Variants in H1-0 observed in about 807,000 individuals in gnomAD.
The protein encoded by H1-0 is H1.0 linker histone.
Under a neutral mutation model 8.8 loss-of-function variants are expected in H1-0, and 5 were observed. That is an observed-to-expected ratio of 0.57 (90% CI 0.30 to 1.19). The LOEUF is 1.19. Ranked by LOEUF, H1-0 falls within the 50% of genes most tolerant of loss-of-function variation. H1-0 has a pLI of 0.08. For missense variants in H1-0, 231 were observed against 242.0 expected (o/e 0.95, Z 0.30); for synonymous variants, 143 against 101.4 (o/e 1.41, Z -2.46).
rs774386868 is a variant in H1-0 at position 37,805,894 on chromosome 22, T to C, written c.350T>C (p.Val117Ala). 1.2e-6 allele frequency: 2 copies of C among 1,613,686 alleles called. No homozygotes were observed. Among genetic ancestry groups the C allele is most frequent in the Middle Eastern group, 1.6e-4 (1 of 6,062 alleles). Residue 117 changes from valine to alanine, a missense_variant, in exon 1 of 1, where the codon GTA becomes GCA. Coordinates refer to ENST00000340857, the MANE Select transcript of H1-0 (RefSeq NM_005318.4). ...FKKTKKEIKK[V>A]ATPKKASKPK... ...AAGACCAAGAAGGAAATCAAGAAGG[T>C]AGCCACGCCAAAGAAGGCATCCAAG...
In H1-0 at chr22:37,805,539, G is replaced by T; in HGVS notation, c.-6G>T. 6.2e-7 allele frequency: 1 copy of T among 1,607,930 alleles called. No homozygotes were observed. The highest frequency in any genetic ancestry group is 1.3e-5 in the African/African-American group (1 of 74,840). Reference sequence around the variant, plus strand: ...CGCCTTCAACAGCCGGACCAGACAGGCCACCATGACCGAGAATTCCACGTC... The same window carrying T: ...CGCCTTCAACAGCCGGACCAGACAGTCCACCATGACCGAGAATTCCACGTC... On this transcript the variant is annotated 5_prime_UTR_variant, in exon 1 of 1. Coordinates refer to ENST00000340857, the MANE Select transcript of H1-0 (RefSeq NM_005318.4).
Position 37,806,045 on chromosome 22 carries a change from G to C in H1-0, c.501G>C (p.Pro167=), listed in dbSNP as rs558616379. The C allele has an allele frequency of 6.2e-7, 1 of 1,614,034 alleles. No individual in the cohort carries two copies. The highest frequency in any genetic ancestry group is 1.3e-5 in the African/African-American group (1 of 75,020). ...AACCCAAGACTGTCAAAGCCAAGCC[G>C]GTCAAGGCATCCAAGCCCAAAAAGG... ...AKKPKTVKAK[P]VKASKPKKAK... Residue 167 remains proline (P), a synonymous_variant, in exon 1 of 1, where the codon CCG becomes CCC. Transcript: ENST00000340857.
rs186080346 is a variant in H1-0 at position 37,805,248 on chromosome 22, G to A, written c.-297G>A. The A allele has an allele frequency of 2.3e-3, 954 of 410,042 alleles. 13 individuals are homozygous for A. The East Asian group carries it at 0.031, about 13-fold the overall frequency. 25.4% of individuals were successfully genotyped at this position (410,042 alleles called of 1,614,324 possible). ...AGCGCCAGACGCGGAGCTGGGAAAA[G>A]GGAGGCAGAGGAGGCGGAGGCAGAG... On this transcript the variant is annotated 5_prime_UTR_variant, in exon 1 of 1. Coordinates refer to ENST00000340857, the MANE Select transcript of H1-0 (RefSeq NM_005318.4).
chr22:37,805,998 G>A lies in H1-0; in HGVS notation c.454G>A (p.Ala152Thr). The change falls in exon 1 of 1, where the codon GCC becomes ACC. Residue 152 changes from alanine to threonine, a missense_variant. Transcript: ENST00000340857. The stretch of plus-strand genomic sequence containing the variant: ...CAAGAAGGCCAAGAAGAAGCTGGCT[G>A]CCACGCCCAAGAAAGCCAAAAAACC... ...PVKKAKKKLA[A>T]TPKKAKKPKT... 6.2e-7 allele frequency: 1 copy of A among 1,614,046 alleles called. No homozygotes were observed. Among genetic ancestry groups the A allele is most frequent in the Non-Finnish European group, 8.5e-7 (1 of 1,180,020 alleles).
Position 37,806,820 on chromosome 22 carries a change from G to A in H1-0, c.*691G>A, listed in dbSNP as rs1416100620. Reference sequence around the variant, plus strand: ...ATAGTTTCTCCCAGTCAGCTAGGATGTAGCCATTGGGGGATCTTTGTGGCT... The same window carrying A: ...ATAGTTTCTCCCAGTCAGCTAGGATATAGCCATTGGGGGATCTTTGTGGCT... On this transcript the variant is annotated 3_prime_UTR_variant, in exon 1 of 1. Coordinates refer to ENST00000340857, the MANE Select transcript of H1-0 (RefSeq NM_005318.4). 1 of 167,098 alleles carries A rather than the reference G, an allele frequency of 6.0e-6. No individual in the cohort carries two copies. Among genetic ancestry groups the A allele is most frequent in the Non-Finnish European group, 1.5e-5 (1 of 68,152 alleles). The allele number at this position is 167,098 out of a possible 1,614,324, so 10.4% of individuals were successfully genotyped here.
Position 37,805,429 on chromosome 22 carries a change from A to C in H1-0, c.-116A>C. 2 of 729,396 alleles carry C rather than the reference A, an allele frequency of 2.7e-6. No individual in the cohort carries two copies. The highest frequency in any genetic ancestry group is 2.3e-6 in the Non-Finnish European group (1 of 443,814). The allele number at this position is 729,396 out of a possible 1,614,324, so 45.2% of individuals were successfully genotyped here. A position where few individuals can be genotyped will look rare whatever the true frequency, so the allele number is the denominator to read the frequency against. ...CTCGCATCCCCGGGAGCCGCACTCCAGACTGGCCCGGTAGTCAGGGGCTCA... is the reference window on the plus strand; with the variant it reads ...CTCGCATCCCCGGGAGCCGCACTCCCGACTGGCCCGGTAGTCAGGGGCTCA... On this transcript the variant is annotated 5_prime_UTR_variant, in exon 1 of 1. Coordinates refer to ENST00000340857, the MANE Select transcript of H1-0 (RefSeq NM_005318.4).
rs1033848327 is a variant in H1-0 at position 37,806,783 on chromosome 22, A to C, written c.*654A>C. 6.0e-6 allele frequency: 1 copy of C among 167,012 alleles called. No individual in the cohort carries two copies. The highest frequency in any genetic ancestry group is 6.6e-5 in the Admixed American group (1 of 15,266). The allele number at this position is 167,012 out of a possible 1,614,324, so 10.3% of individuals were successfully genotyped here. ...GGAGTGGGGTCCAAGTGACAGCTGG[A>C]TGGGAGAAGCCATAGTTTCTCCCAG... On this transcript the variant is annotated 3_prime_UTR_variant, in exon 1 of 1. Coordinates refer to ENST00000340857, the MANE Select transcript of H1-0 (RefSeq NM_005318.4).
At position 37,805,372 on chromosome 22, in the gene H1-0, C is replaced by T; in HGVS notation, c.-173C>T. On this transcript the variant is annotated 5_prime_UTR_variant, in exon 1 of 1. Coordinates refer to ENST00000340857, the MANE Select transcript of H1-0 (RefSeq NM_005318.4). ...CCGGCTCGGCGAGCTCTCCCGACAC[C>T]CGAGCCGGGGAGGAAAAGCAGCGAC... is the stretch of plus-strand genomic sequence containing the variant. 3.5e-6 allele frequency: 2 copies of T among 578,290 alleles called. No homozygotes were observed. Among genetic ancestry groups the T allele is most frequent in the Non-Finnish European group, 3.0e-6 (1 of 329,266 alleles). The allele number at this position is 578,290 out of a possible 1,614,324, so 35.8% of individuals were successfully genotyped here. A position where few individuals can be genotyped will look rare whatever the true frequency, so the allele number is the denominator to read the frequency against.
At position 37,806,475 on chromosome 22, in the gene H1-0, TC is replaced by T; in HGVS notation, c.*347del. On this transcript the variant is annotated 3_prime_UTR_variant, in exon 1 of 1. Coordinates refer to ENST00000340857, the MANE Select transcript of H1-0 (RefSeq NM_005318.4). ...GGGGAGAAGACACAAGGCAGTTTGT[TC>T]TGGCTAGATGAGAGGGAACCCAGGA... The T allele has an allele frequency of 3.4e-6, 1 of 295,884 alleles. No individual in the cohort carries two copies. Among genetic ancestry groups the T allele is most frequent in the Non-Finnish European group, 6.8e-6 (1 of 148,128 alleles). The allele number at this position is 295,884 out of a possible 1,614,324, so 18.3% of individuals were successfully genotyped here.
Position 37,806,858 on chromosome 22 carries a change from CTTG to C in H1-0, c.*732_*734del, listed in dbSNP as rs1190300209. 1 of 167,050 alleles carries C rather than the reference CTTG, an allele frequency of 6.0e-6. No homozygotes were observed. Among genetic ancestry groups the C allele is most frequent in the Non-Finnish European group, 1.5e-5 (1 of 68,112 alleles). 10.3% of individuals were successfully genotyped at this position (167,050 alleles called of 1,614,324 possible). A position where few individuals can be genotyped will look rare whatever the true frequency, so the allele number is the denominator to read the frequency against. The stretch of plus-strand genomic sequence containing the variant: ...GATCTTTGTGGCTTCAGCAAATTCT[CTTG>C]TTAAACCGGAGTGAAAACTTCAGGG... On this transcript the variant is annotated 3_prime_UTR_variant, in exon 1 of 1. Coordinates refer to ENST00000340857, the MANE Select transcript of H1-0 (RefSeq NM_005318.4).
rs5845353 is a variant in H1-0 at position 37,806,396 on chromosome 22, C to CG, written c.*275dup. 485 of 402,710 alleles carry CG rather than the reference C, an allele frequency of 1.2e-3. No individual in the cohort carries two copies. The highest frequency in any genetic ancestry group is 2.1e-3 in the South Asian group (60 of 29,164). 24.9% of individuals were successfully genotyped at this position (402,710 alleles called of 1,614,324 possible). On this transcript the variant is annotated 3_prime_UTR_variant, in exon 1 of 1. Transcript: ENST00000340857. ...ACCTACTTACGGGGTTAGGGATTTGCGGGGGGGGCTTGTGTGTTTTGTTGG... is the reference window on the plus strand; with the variant it reads ...ACCTACTTACGGGGTTAGGGATTTGCGGGGGGGGGCTTGTGTGTTTTGTTGG...
At position 37,806,986 on chromosome 22, in the gene H1-0, C is replaced by T. The variant is rs1429650641; in HGVS notation, c.*857C>T. The T allele has an allele frequency of 6.0e-6, 1 of 166,972 alleles. No individual in the cohort carries two copies. The highest frequency in any genetic ancestry group is 1.9e-4 in the East Asian group (1 of 5,184). 10.3% of individuals were successfully genotyped at this position (166,972 alleles called of 1,614,324 possible). On this transcript the variant is annotated 3_prime_UTR_variant, in exon 1 of 1. Coordinates refer to ENST00000340857, the MANE Select transcript of H1-0 (RefSeq NM_005318.4). ...GTGTCCTAGGAAGACTTTTCTTTTCCTCTGGATTTTTGTTCCTCCTGTACA... is the reference window on the plus strand; with the variant it reads ...GTGTCCTAGGAAGACTTTTCTTTTCTTCTGGATTTTTGTTCCTCCTGTACA...
rs1920982256 is a variant in H1-0, at chr22:37,805,842, G to A, written c.298G>A (p.Glu100Lys). The A allele has an allele frequency of 3.7e-6, 6 of 1,613,826 alleles. No homozygotes were observed. Among genetic ancestry groups the A allele is most frequent in the South Asian group, 1.1e-5 (1 of 91,086 alleles). The change falls in exon 1 of 1, where the codon GAA becomes AAA. Residue 100 changes from glutamate (E) to lysine (K), a missense_variant. Coordinates refer to ENST00000340857, the MANE Select transcript of H1-0 (RefSeq NM_005318.4). Reference sequence around the variant, plus strand: ...GTCCTTCCGGCTAGCCAAGAGCGACGAACCCAAGAAGTCAGTGGCCTTCAA... The same window carrying A: ...GTCCTTCCGGCTAGCCAAGAGCGACAAACCCAAGAAGTCAGTGGCCTTCAA... ...SGSFRLAKSD[E>K]PKKSVAFKKT... is the part of the protein sequence containing the mutation.
rs1894646 is a variant in H1-0, at chr22:37,806,727, G to C, written c.*598G>C. ...TTCCTTCTCATTTTTGTTAGTTTGC[G>C]CTTTCGGCCTCCCTATTTTCTTAGG... On this transcript the variant is annotated 3_prime_UTR_variant, in exon 1 of 1. Transcript: ENST00000340857. The C allele has an allele frequency of 0.87, 146,250 of 167,546 alleles. 63,972 individuals are homozygous for C. The highest frequency in any genetic ancestry group is 0.99 in the East Asian group (5,162 of 5,196). The allele number at this position is 167,546 out of a possible 1,614,324, so 10.4% of individuals were successfully genotyped here.
Position 37,805,442 on chromosome 22 carries a change from A to G in H1-0, c.-103A>G. The G allele has an allele frequency of 2.5e-6, 2 of 796,276 alleles. No individual in the cohort carries two copies. Among genetic ancestry groups the G allele is most frequent in the Non-Finnish European group, 4.0e-6 (2 of 497,936 alleles). The allele number at this position is 796,276 out of a possible 1,614,324, so 49.3% of individuals were successfully genotyped here. A position where few individuals can be genotyped will look rare whatever the true frequency, so the allele number is the denominator to read the frequency against. ...GAGCCGCACTCCAGACTGGCCCGGT[A>G]GTCAGGGGCTCAGGAGCAGATCCCG... On this transcript the variant is annotated 5_prime_UTR_variant, in exon 1 of 1. Transcript: ENST00000340857.
At position 37,805,264 on chromosome 22, in the gene H1-0, G is replaced by GGAGGCAGAGGCAGAGGCA. The variant is rs202179193; in HGVS notation, c.-271_-254dup. 4.4e-6 allele frequency: 2 copies of GGAGGCAGAGGCAGAGGCA among 450,684 alleles called. No individual in the cohort carries two copies. Among genetic ancestry groups the GGAGGCAGAGGCAGAGGCA allele is most frequent in the Admixed American group, 4.0e-5 (1 of 24,748 alleles). The allele number at this position is 450,684 out of a possible 1,614,324, so 27.9% of individuals were successfully genotyped here. A position where few individuals can be genotyped will look rare whatever the true frequency, so the allele number is the denominator to read the frequency against. On this transcript the variant is annotated 5_prime_UTR_variant, in exon 1 of 1. Coordinates refer to ENST00000340857, the MANE Select transcript of H1-0 (RefSeq NM_005318.4). ...CTGGGAAAAGGGAGGCAGAGGAGGCGGAGGCAGAGGCAGAGGCAGAGGCAG... is the reference window on the plus strand; with the variant it reads ...CTGGGAAAAGGGAGGCAGAGGAGGCGGAGGCAGAGGCAGAGGCAGAGGCAGAGGCAGAGGCAGAGGCAG...
Position 37,805,530 on chromosome 22 carries a change from A to C in H1-0, c.-15A>C, listed in dbSNP as rs1920978389. 4 of 1,598,644 alleles carry C rather than the reference A, an allele frequency of 2.5e-6. No homozygotes were observed. The highest frequency in any genetic ancestry group is 3.4e-6 in the Non-Finnish European group (4 of 1,170,408). On this transcript the variant is annotated 5_prime_UTR_variant, in exon 1 of 1. Coordinates refer to ENST00000340857, the MANE Select transcript of H1-0 (RefSeq NM_005318.4). ...TTTGGAAGGCGCCTTCAACAGCCGG[A>C]CCAGACAGGCCACCATGACCGAGAA...
chr22:37,806,431 C>T lies in H1-0; in HGVS notation c.*302C>T, dbSNP rs1327053867. The T allele has an allele frequency of 1.0e-5, 4 of 385,414 alleles. No homozygotes were observed. The highest frequency in any genetic ancestry group is 1.1e-4 in the East Asian group (2 of 17,522). The allele number at this position is 385,414 out of a possible 1,614,324, so 23.9% of individuals were successfully genotyped here. On this transcript the variant is annotated 3_prime_UTR_variant, in exon 1 of 1. Coordinates refer to ENST00000340857, the MANE Select transcript of H1-0 (RefSeq NM_005318.4). ...TTGTGTGTTTTGTTGGCTTGTTTGC[C>T]ATGAAGGTAGATGTGGGTGGGGAGA...
At position 37,805,343 on chromosome 22, in the gene H1-0, A is replaced by C; in HGVS notation, c.-202A>C. The stretch of plus-strand genomic sequence containing the variant: ...ACAGACCGGCGGGGCTGGGCCTCGC[A>C]AAGCCGGCTCGGCGAGCTCTCCCGA... On this transcript the variant is annotated 5_prime_UTR_variant, in exon 1 of 1. Transcript: ENST00000340857. 1 of 543,612 alleles carries C rather than the reference A, an allele frequency of 1.8e-6. No individual in the cohort carries two copies. Among genetic ancestry groups the C allele is most frequent in the Non-Finnish European group, 3.3e-6 (1 of 307,634 alleles). 33.7% of individuals were successfully genotyped at this position (543,612 alleles called of 1,614,324 possible).
Sources: gnomAD v4.1 joint callset for allele counts on GRCh38, gnomAD v4.1.1 for gene constraint, MANE v1.5 for transcripts, NCBI Gene and HGNC (gene_info 2026-07-23, HGNC 2026-07-21) for gene names.